The following TMEM272 variants were observed in gnomAD, a reference collection of about 807,000 sequenced individuals.
The protein encoded by TMEM272 is long intergenic non-protein coding RNA 282.
A neutral mutation model predicts 3.7 loss-of-function variants in TMEM272; 8 were observed. The ratio of observed to expected loss-of-function variants is 2.17; its 90% CI spans 1.27 to 3.91. The LOEUF (loss-of-function observed/expected upper bound fraction) is 3.91, where lower values mean the gene tolerates loss of function less well. TMEM272 is among the 30% of genes most tolerant of loss of function. The pLI is 0.00. For missense variants in TMEM272, 166 were observed against 91.5 expected (o/e 1.81, Z -3.32); for synonymous variants, 63 against 39.8 (o/e 1.58, Z -2.20).
the TMEM272 span, among the ~76,000 whole-genome samples, chr13:51,897,932 A>AAAAAG: frequency 6.7e-6 from 1 of 149,526 alleles, no homozygotes; most frequent in African/African-American, 2.5e-5. Context: ...ATCTCAAAAA[A>AAAAAG]AAAAAAAAAG....
the TMEM272 span, among the ~76,000 whole-genome samples, chr13:51,874,605 C>G: frequency 2.6e-5 from 4 of 152,080 alleles, no homozygotes; most frequent in Non-Finnish European, 1.5e-5. Context: ...TATAACCCCA[C>G]ACCCAAATGC....
chr13:51,861,453 G>A, the TMEM272 span, among the ~76,000 whole-genome samples: 1 of 151,938 alleles, frequency 6.6e-6, no homozygotes, highest in African/African-American at 2.4e-5. Flanking sequence ...TTCTGGAGTT[G>A]AAAATGAAAA....
chr13:51,826,454 G>A (rs985809431), intron 3 of TMEM272, 112 bp downstream of exon 3: 16 of 654,364 alleles, frequency 2.4e-5, no homozygotes, highest in Non-Finnish European at 4.2e-5. Flanking sequence ...GGGAATCATC[G>A]GGCTGGCCAG....
the TMEM272 span, among the ~76,000 whole-genome samples, chr13:51,864,146 T>C: frequency 6.6e-6 from 1 of 151,648 alleles, no homozygotes. Context: ...CTTTTCCTTC[T>C]TTCTTCCTCC....
the TMEM272 span, chr13:51,934,226 G>A: frequency 9.4e-6 from 2 of 212,632 alleles, no homozygotes; most frequent in African/African-American, 4.5e-5. Flanking sequence ...ACACAGGAGA[G>A]AAAAGGAACA....
the TMEM272 span, among the ~76,000 whole-genome samples, chr13:51,907,816 AT>A: frequency 6.6e-6 from 1 of 152,134 alleles, no homozygotes; most frequent in Admixed American, 6.5e-5. Context: ...ACCTATATAT[AT>A]TTTTTAAATC....
the TMEM272 span, among the ~76,000 whole-genome samples, chr13:51,885,209 G>A: frequency 6.6e-6 from 1 of 152,192 alleles, no homozygotes; most frequent in South Asian, 2.1e-4. Context: ...GTCTGGATGT[G>A]ACACTTATTC....
At chr13:51,872,900 G>A in the TMEM272 span, among the ~76,000 whole-genome samples, 1 of 152,178 alleles carries the variant, frequency 6.6e-6, no homozygotes, top group African/African-American at 2.4e-5. Context: ...TCAGGCACAT[G>A]AGATCTCAAT....
At chr13:51,835,841 T>G (rs1956212705) in intron 2 of TMEM272, among the ~76,000 whole-genome samples, 1 of 152,248 alleles carries the variant, frequency 6.6e-6, no homozygotes, top group African/African-American at 2.4e-5. Context: ...AATTTTTTAG[T>G]TGGAAATAAT....
chr13:51,833,457 G>T (rs764614049), intron 2 of TMEM272, among the ~76,000 whole-genome samples: 1 of 152,300 alleles, frequency 6.6e-6, no homozygotes, highest in South Asian at 2.1e-4. Flanking sequence ...AGAGACCAGC[G>T]AAGTGGCTGT....
At chr13:51,840,660 G>A (rs1419586130) in intron 1 of TMEM272, among the ~76,000 whole-genome samples, 1 of 152,202 alleles carries the variant, frequency 6.6e-6, no homozygotes, top group Non-Finnish European at 1.5e-5. Context: ...TGTTCTCCTG[G>A]AAGCAATTGT....
At chr13:51,877,138 G>C in the TMEM272 span, among the ~76,000 whole-genome samples, 3 of 152,186 alleles carry the variant, frequency 2.0e-5, no homozygotes, top group African/African-American at 7.2e-5. Context: ...ACACAGCTCT[G>C]TCCAACCTGC....
At chr13:51,908,958 T>C in the TMEM272 span, 392,063 of 1,379,826 alleles carry the variant, frequency 0.28, 57,411 homozygotes, top group East Asian at 0.52. Context: ...GCCTCTTGGG[T>C]CTCTTCCTCC....
chr13:51,837,224 C>T (rs2139581468), intron 2 of TMEM272, among the ~76,000 whole-genome samples: 1 of 152,360 alleles, frequency 6.6e-6, no homozygotes, highest in South Asian at 2.1e-4. Context: ...ATGATACTTC[C>T]TCTCTTGCCA....
the TMEM272 span, among the ~76,000 whole-genome samples, chr13:51,860,816 GAA>G: frequency 1.1e-5 from 1 of 94,710 alleles, no homozygotes; most frequent in East Asian, 3.6e-4. Context: ...TATATATATA[GAA>G]GTGTGTGTGT....
chr13:51,834,992 G>A (rs1956202871), intron 2 of TMEM272, among the ~76,000 whole-genome samples: 1 of 152,132 alleles, frequency 6.6e-6, no homozygotes, highest in Non-Finnish European at 1.5e-5. Context: ...GGGAGCCAGG[G>A]CTGCACAGTG....
intron 2 of TMEM272, among the ~76,000 whole-genome samples, chr13:51,827,749 C>G (rs1956139510): frequency 6.6e-6 from 1 of 152,198 alleles, no homozygotes; most frequent in South Asian, 2.1e-4. Context: ...CCTCCCCATT[C>G]TGCTGTGCCG....
At chr13:51,869,876 G>A in the TMEM272 span, among the ~76,000 whole-genome samples, 1 of 152,166 alleles carries the variant, frequency 6.6e-6, no homozygotes, top group Admixed American at 6.5e-5. Context: ...TCCTGCAGTC[G>A]AAGAGGGATG....
At position 51,843,450 on chromosome 13, in the gene TMEM272, A is replaced by G. The variant is rs115368141; in HGVS notation, c.-24+1566T>C. 7.4e-3 allele frequency among the ~76,000 whole-genome samples: 1,132 copies of G among 152,308 alleles called. 16 individuals are homozygous for G. Among genetic ancestry groups the G allele is most frequent in the African/African-American group, 0.026 (1,071 of 41,546 alleles). On this transcript the variant is annotated intron_variant, in intron 1 of 4. Transcript: ENST00000629372. ...AGCTCTTCCAAAAGAGGGTCCCTCA[A>G]CAGCAAGAGATGCCCAATAGAGCAA...
Sources: gnomAD v4.1 joint callset for allele counts (sites outside exome capture counted in the v4.1 genomes callset) on GRCh38, gnomAD v4.1.1 for gene constraint, MANE v1.5 for transcripts, NCBI Gene and HGNC (gene_info 2026-07-23, HGNC 2026-07-21) for gene names.